FGD5: variants seen among roughly 807,000 people sequenced by gnomAD.
FGD5 encodes FYVE, RhoGEF and PH domain-containing protein 5.
FGD5 carries 28 observed loss-of-function variants against 133.4 expected under a neutral mutation model. The observed-to-expected ratio is 0.21, with a 90% CI of 0.16 to 0.29. The LOEUF (loss-of-function observed/expected upper bound fraction) is 0.29, where lower values mean the gene tolerates loss of function less well. Among genes scored for constraint, FGD5 ranks in the 10% least tolerant of loss-of-function variants. The pLI is 1.00. For synonymous variants in FGD5, 810 were observed against 776.5 expected (o/e 1.04, Z -0.72); for missense variants, 1,858 against 1,895.2 (o/e 0.98, Z 0.36).
chr3:14,856,630 TTGTAAA>T (rs1371884603), intron 1 of FGD5, among the ~76,000 whole-genome samples: 1 of 150,936 alleles, frequency 6.6e-6, no homozygotes, highest in African/African-American at 2.4e-5. Context: ...CTTGTAGCTA[TTGTAAA>T]TGTAGTATTG....
At position 14,821,466 on chromosome 3, in the gene FGD5, G is replaced by T; in HGVS notation, c.2395G>T (p.Ala799Ser). Reference protein sequence around the residue: ...IPPRRPARAGAFTKLFEDQSR... With the variant: ...IPPRRPARAGSFTKLFEDQSR... ...ACCCCGGAGACCTGCCAGGGCTGGC[G>T]CGTTCACGAAGCTGTTTGAAGATCA... The change falls in exon 1 of 20, where the codon GCG becomes TCG. Residue 799 changes from alanine (A) to serine (S), a missense_variant. Physicochemically the swap from Ala to Ser is moderately conservative, Grantham distance 99 (BLOSUM62 1). This residue lies in a region of FGD5 where 1,824 missense variants were observed against 1,848.9 expected (regional missense o/e 0.99). Transcript: ENST00000285046. 1 of 1,614,024 alleles carries T rather than the reference G, an allele frequency of 6.2e-7. No homozygotes were observed. Among genetic ancestry groups the T allele is most frequent in the South Asian group, 1.1e-5 (1 of 91,084 alleles).
At chr3:14,884,437 T>G (rs2037886470) in intron 4 of FGD5, among the ~76,000 whole-genome samples, 1 of 152,232 alleles carries the variant, frequency 6.6e-6, no homozygotes, top group Non-Finnish European at 1.5e-5. Flanking sequence ...CATCACTGCC[T>G]TCAGCCACAC....
At position 14,819,646 on chromosome 3, in the gene FGD5, G is replaced by A; in HGVS notation, c.575G>A (p.Ser192Asn). Reference protein sequence around the residue: ...GPWAGEGVFQSDLLLPHIHGE... With the variant: ...GPWAGEGVFQNDLLLPHIHGE... ...TGGGCTGGAGAGGGGGTCTTCCAGA[G>A]CGACCTCCTCCTGCCTCACATCCAT... is the stretch of plus-strand genomic sequence containing the variant. Residue 192 changes from serine (S) to asparagine (N), a missense_variant, in exon 1 of 20, where the codon AGC becomes AAC. Physicochemically the swap from Ser to Asn is conservative, Grantham distance 46 (BLOSUM62 1). This residue lies in a region of FGD5 where 1,824 missense variants were observed against 1,848.9 expected (regional missense o/e 0.99). Transcript: ENST00000285046. This position sits in a 1 kb window ranked among gnomAD's most constrained non-coding sequence, Gnocchi z 4.1. 6.5e-7 allele frequency: 1 copy of A among 1,550,098 alleles called. No individual in the cohort carries two copies. Among genetic ancestry groups the A allele is most frequent in the Non-Finnish European group, 8.7e-7 (1 of 1,146,310 alleles).
At chr3:14,836,145 C>T (rs749044070) in intron 1 of FGD5, among the ~76,000 whole-genome samples, 1 of 152,218 alleles carries the variant, frequency 6.6e-6, no homozygotes, top group Non-Finnish European at 1.5e-5. Context: ...GCACGGAGAC[C>T]CTGGGGCTGA....
In FGD5 at chr3:14,917,346, G is replaced by T; in HGVS notation, c.3489+14G>T. 1 of 1,609,606 alleles carries T rather than the reference G, an allele frequency of 6.2e-7. No homozygotes were observed. The highest frequency in any genetic ancestry group is 8.5e-7 in the Non-Finnish European group (1 of 1,177,936). On this transcript the variant is annotated intron_variant, in intron 12 of 19. Transcript: ENST00000285046. The surrounding 1 kb of genome is among the most constrained non-coding windows in gnomAD (Gnocchi z 4.1). ...GCCAACATGAAGGTAAATATCTGGT[G>T]CCAGGTACCCCCGGGTTGGGGGACA...
intron 1 of FGD5, among the ~76,000 whole-genome samples, chr3:14,862,041 T>G (rs754178326): frequency 7.9e-5 from 12 of 151,940 alleles, no homozygotes; most frequent in Non-Finnish European, 1.6e-4. Context: ...AGATGCTAGA[T>G]GTATGGTTGG....
upstream of FGD5, among the ~76,000 whole-genome samples, chr3:14,814,557 T>C (rs1040536671): frequency 6.6e-6 from 1 of 152,124 alleles, no homozygotes; most frequent in Non-Finnish European, 1.5e-5. Context: ...TCATCTCTGC[T>C]GGCTGGGGCC....
intron 1 of FGD5, among the ~76,000 whole-genome samples, chr3:14,821,881 C>T (rs148348148): frequency 9.5e-4 from 145 of 152,208 alleles, no homozygotes; most frequent in Non-Finnish European, 1.8e-3. Context: ...GCGGGCAGGT[C>T]ACAAGGTCAA....
At chr3:14,810,907 A>AGGGACCCCGGCCGGGCGCTCCAAGTTG in intron 1 of FGD5, 3 of 985,072 alleles carry the variant, frequency 3.0e-6, no homozygotes, top group Non-Finnish European at 3.6e-6. Context: ...CACGAGCGCG[A>AGGGACCCCGGCCGGGCGCTCCAAGTTG]GGGACCCCGG....
chr3:14,870,202 G>C (rs575475320), intron 2 of FGD5, among the ~76,000 whole-genome samples: 9 of 152,336 alleles, frequency 5.9e-5, no homozygotes, highest in Admixed American at 5.9e-4. Context: ...CCAGGCAGAG[G>C]AGAGCAGTGC....
At chr3:14,858,102 A>G (rs1265483010) in intron 1 of FGD5, among the ~76,000 whole-genome samples, 1 of 152,224 alleles carries the variant, frequency 6.6e-6, no homozygotes, top group Admixed American at 6.5e-5. Flanking sequence ...GGATAGGCTC[A>G]GAAGACTTCA....
rs575225668 is a variant in FGD5, at chr3:14,926,228, C to T, written c.4197+30C>T. The T allele has an allele frequency of 1.2e-5, 19 of 1,610,882 alleles. No individual in the cohort carries two copies. The South Asian group carries it at 1.8e-4, about 15-fold the overall frequency. ...TAGTGATCTGCACTCTCTCCCCTCTCCTCTCTCCTGTGAAATGACCCCCTG... is the reference window on the plus strand; with the variant it reads ...TAGTGATCTGCACTCTCTCCCCTCTTCTCTCTCCTGTGAAATGACCCCCTG... On this transcript the variant is annotated intron_variant, in intron 18 of 19. Coordinates refer to ENST00000285046, the MANE Select transcript of FGD5 (RefSeq NM_152536.4).
chr3:14,811,191 T>C (rs1284120751), intron 1 of FGD5, among the ~76,000 whole-genome samples: 4 of 152,104 alleles, frequency 2.6e-5, no homozygotes, highest in Non-Finnish European at 5.9e-5. Context: ...AAGACGCCCC[T>C]TTCGCAAAAG....
At chr3:14,821,709 A>G in intron 1 of FGD5, 113 bp downstream of exon 1, 1 of 1,401,860 alleles carries the variant, frequency 7.1e-7, no homozygotes, top group South Asian at 1.5e-5. Context: ...GTTTCTTACT[A>G]GCTGTGTTGA....
In FGD5 at chr3:14,912,764, C is replaced by T. The variant is rs967100368; in HGVS notation, c.3405+1835C>T. 2.0e-4 allele frequency among the ~76,000 whole-genome samples: 30 copies of T among 152,090 alleles called. 1 individual carries two copies. The highest frequency in any genetic ancestry group is 2.1e-4 in the South Asian group (1 of 4,824). On this transcript the variant is annotated intron_variant, in intron 11 of 19. Coordinates refer to ENST00000285046, the MANE Select transcript of FGD5 (RefSeq NM_152536.4). ...AATTTTAGAAATTCTTGGCCAGGCACGGTGGCTCTTGCCTGTAATTGCAGC... is the reference window on the plus strand; with the variant it reads ...AATTTTAGAAATTCTTGGCCAGGCATGGTGGCTCTTGCCTGTAATTGCAGC...
intron 13 of FGD5, among the ~76,000 whole-genome samples, chr3:14,920,804 A>T (rs2038663012): frequency 6.6e-6 from 1 of 152,162 alleles, no homozygotes; most frequent in African/African-American, 2.4e-5. Flanking sequence ...GTGGAACTGG[A>T]GTTTGAACCC....
At chr3:14,823,176 C>G (rs915654633) in intron 1 of FGD5, among the ~76,000 whole-genome samples, 2 of 152,162 alleles carry the variant, frequency 1.3e-5, no homozygotes, top group Non-Finnish European at 2.9e-5. Context: ...CAGGGGTGGA[C>G]AAGACCCATC....
intron 1 of FGD5, among the ~76,000 whole-genome samples, chr3:14,843,211 T>C (rs954251057): frequency 6.6e-6 from 1 of 152,148 alleles, no homozygotes; most frequent in African/African-American, 2.4e-5. Context: ...CATCCCAAAC[T>C]TGGCACAGTA....
chr3:14,858,196 C>G (rs1484574560), intron 1 of FGD5, among the ~76,000 whole-genome samples: 1 of 152,174 alleles, frequency 6.6e-6, no homozygotes, highest in Admixed American at 6.5e-5. Flanking sequence ...TCTTTGATCC[C>G]TCCTTGTGTT....
Sources: allele counts gnomAD v4.1 joint callset (sites outside exome capture counted in the v4.1 genomes callset), GRCh38; gene constraint gnomAD v4.1.1; regional missense constraint gnomAD v4.1.1; non-coding constraint Gnocchi (gnomAD v3.1); transcripts MANE v1.5; gene names NCBI Gene and HGNC (gene_info 2026-07-23, HGNC 2026-07-21).